Variants in SPOCK1 observed in about 807,000 individuals in gnomAD.
SPOCK1 encodes the protein testican-1.
Under a neutral mutation model 55.3 loss-of-function variants are expected in SPOCK1, and 23 were observed. The ratio of observed to expected loss-of-function variants is 0.42; its 90% CI spans 0.30 to 0.59. The LOEUF (loss-of-function observed/expected upper bound fraction) is 0.59, where lower values mean the gene tolerates loss of function less well. Among genes scored for constraint, SPOCK1 ranks in the 20% least tolerant of loss-of-function variants. The probability of loss-of-function intolerance (pLI) is 0.22; values close to 1 mark genes in which losing one functional copy is unlikely to be tolerated. For missense variants in SPOCK1, 499 were observed against 552.5 expected, an observed-to-expected ratio of 0.90 and a Z score of 0.97; for synonymous variants, 226 against 221.0, an observed-to-expected ratio of 1.02 and a Z score of -0.20.
intron 2 of SPOCK1, among the ~76,000 whole-genome samples, chr5:137,320,776 C>G (rs1436087910): frequency 6.6e-6 from 1 of 152,072 alleles, no homozygotes; most frequent in Admixed American, 6.6e-5. Context: ...AAGGTCTTTC[C>G]CTATAAGAAA....
At chr5:137,004,683 C>T (rs1751211516) in intron 6 of SPOCK1, among the ~76,000 whole-genome samples, 1 of 151,932 alleles carries the variant, frequency 6.6e-6, no homozygotes, top group Admixed American at 6.6e-5. Flanking sequence ...CATATATAAA[C>T]AACAATGTAC....
intron 2 of SPOCK1, among the ~76,000 whole-genome samples, chr5:137,484,560 G>A (rs1252507022): frequency 1.3e-5 from 2 of 152,132 alleles, no homozygotes; most frequent in African/African-American, 4.8e-5. Context: ...ACTGATACCC[G>A]TGGCTGGAAA....
intron 3 of SPOCK1, among the ~76,000 whole-genome samples, chr5:137,232,965 G>A (rs1756095549): frequency 6.6e-6 from 1 of 152,126 alleles, no homozygotes; most frequent in Non-Finnish European, 1.5e-5. Context: ...TTTGTTTCAG[G>A]CTACATGGAA....
Position 137,012,616 on chromosome 5 carries a change from C to T in SPOCK1, c.590-20016G>A, listed in dbSNP as rs139521448. Reference sequence around the variant, plus strand: ...AGGCTGTCTGATTCCAGGTCCCAAACTCTCAGCCAGAAGGTTCTATAATAG... The same window carrying T: ...AGGCTGTCTGATTCCAGGTCCCAAATTCTCAGCCAGAAGGTTCTATAATAG... On this transcript the variant is annotated intron_variant, in intron 6 of 10. Coordinates refer to ENST00000394945, the MANE Select transcript of SPOCK1 (RefSeq NM_004598.4). 2.9e-3 allele frequency among the ~76,000 whole-genome samples: 439 copies of T among 152,286 alleles called. 3 individuals are homozygous for T. The highest frequency in any genetic ancestry group is 9.9e-3 in the African/African-American group (410 of 41,554).
chr5:137,335,876 C>T (rs970262777), intron 2 of SPOCK1, among the ~76,000 whole-genome samples: 23 of 152,194 alleles, frequency 1.5e-4, no homozygotes, highest in African/African-American at 5.1e-4. Flanking sequence ...ATGAGCCCTG[C>T]GGTGCCCATC....
chr5:137,353,436 C>A (rs1750725297), intron 2 of SPOCK1, among the ~76,000 whole-genome samples: 2 of 152,098 alleles, frequency 1.3e-5, no homozygotes, highest in South Asian at 4.1e-4. Context: ...GCTAAGGGAA[C>A]CCACTGCCGC....
At chr5:137,442,170 A>G (rs1410546652) in intron 2 of SPOCK1, among the ~76,000 whole-genome samples, 1 of 152,250 alleles carries the variant, frequency 6.6e-6, no homozygotes, top group African/African-American at 2.4e-5. Context: ...CTGCAGACTA[A>G]GGCCTCTATA....
At chr5:137,381,256 T>C (rs1402691426) in intron 2 of SPOCK1, among the ~76,000 whole-genome samples, 2 of 152,190 alleles carry the variant, frequency 1.3e-5, no homozygotes, top group East Asian at 3.8e-4. Context: ...CCCATGGCTG[T>C]TTCATGGGCT....
At chr5:137,084,620 G>T (rs1752927300) in intron 5 of SPOCK1, among the ~76,000 whole-genome samples, 1 of 151,774 alleles carries the variant, frequency 6.6e-6, no homozygotes, top group Non-Finnish European at 1.5e-5. Flanking sequence ...AAGTCCTAAG[G>T]CACATTAGTG....
chr5:137,139,922 T>C (rs948391565), intron 4 of SPOCK1, among the ~76,000 whole-genome samples: 5 of 152,166 alleles, frequency 3.3e-5, no homozygotes, highest in African/African-American at 1.2e-4. Context: ...AAAGCCTAAA[T>C]CCACTGGATA....
At chr5:137,013,778 A>G (rs1488832051) in intron 6 of SPOCK1, among the ~76,000 whole-genome samples, 1 of 152,178 alleles carries the variant, frequency 6.6e-6, no homozygotes, top group Non-Finnish European at 1.5e-5. Flanking sequence ...TCCAGTCAAA[A>G]TACTTTGTGA....
chr5:137,128,379 G>C (rs978849896), intron 4 of SPOCK1, among the ~76,000 whole-genome samples: 1 of 152,206 alleles, frequency 6.6e-6, no homozygotes, highest in Admixed American at 6.5e-5. Context: ...AGGACGCTTT[G>C]CACATATGAT....
chr5:137,102,132 T>C (rs1456906802), intron 5 of SPOCK1, among the ~76,000 whole-genome samples: 1 of 152,174 alleles, frequency 6.6e-6, no homozygotes, highest in African/African-American at 2.4e-5. Flanking sequence ...ATAAACTCTT[T>C]TCCTCCCACT....
chr5:137,372,122 C>T (rs537165336), intron 2 of SPOCK1, among the ~76,000 whole-genome samples: 4 of 152,288 alleles, frequency 2.6e-5, no homozygotes, highest in South Asian at 2.1e-4. Context: ...ACTCCCAGCA[C>T]GTCCCACTGT....
At chr5:137,247,721 T>G (rs1756422827) in intron 3 of SPOCK1, among the ~76,000 whole-genome samples, 1 of 152,010 alleles carries the variant, frequency 6.6e-6, no homozygotes, top group African/African-American at 2.4e-5. Flanking sequence ...GGCCCTGGAG[T>G]CTGGTGAGGG....
chr5:137,312,420 A>G (rs1757804226), intron 2 of SPOCK1, among the ~76,000 whole-genome samples: 1 of 152,208 alleles, frequency 6.6e-6, no homozygotes, highest in African/African-American at 2.4e-5. Flanking sequence ...AGAATAAAGC[A>G]AAAAATTGCT....
chr5:137,402,441 G>A (rs1752003703), intron 2 of SPOCK1, among the ~76,000 whole-genome samples: 2 of 152,190 alleles, frequency 1.3e-5, no homozygotes, highest in South Asian at 4.1e-4. Context: ...ACAACCATTT[G>A]GAGTGGGAAT....
intron 2 of SPOCK1, among the ~76,000 whole-genome samples, chr5:137,415,423 G>A (rs991961026): frequency 3.3e-5 from 5 of 152,222 alleles, no homozygotes; most frequent in African/African-American, 4.8e-5. Flanking sequence ...GTGAGCTACA[G>A]AGGCCCAAGG....
At chr5:137,088,789 C>A (rs1375174513) in intron 5 of SPOCK1, among the ~76,000 whole-genome samples, 1 of 152,046 alleles carries the variant, frequency 6.6e-6, no homozygotes, top group Non-Finnish European at 1.5e-5. Context: ...ACTTAAGTAC[C>A]ATGGGGGTTG....
Sources: gnomAD v4.1 joint callset for allele counts (sites outside exome capture counted in the v4.1 genomes callset) on GRCh38, gnomAD v4.1.1 for gene constraint, MANE v1.5 for transcripts, NCBI Gene and HGNC (gene_info 2026-07-23, HGNC 2026-07-21) for gene names.